EPN2: variants seen among roughly 807,000 people sequenced by gnomAD.
EPN2 encodes epsin 2, also known as epsin-2.
In EPN2, 34 loss-of-function variants were observed where a neutral mutation model predicts 61.7. The observed-to-expected ratio is 0.55, with a 90% CI of 0.42 to 0.73. The LOEUF is 0.73. Among genes scored for constraint, EPN2 ranks in the 30% least tolerant of loss-of-function variants. The probability of loss-of-function intolerance (pLI) is 0.00; values close to 1 mark genes in which losing one functional copy is unlikely to be tolerated. For synonymous variants in EPN2, 349 were observed against 353.6 expected, an observed-to-expected ratio of 0.99 and a Z score of 0.15; for missense variants, 714 against 839.2, an observed-to-expected ratio of 0.85 and a Z score of 1.84.
At chr17:19,255,526 T>G (rs2045066633) in intron 1 of EPN2, among the ~76,000 whole-genome samples, 1 of 150,624 alleles carries the variant, frequency 6.6e-6, no homozygotes, top group Non-Finnish European at 1.5e-5. Flanking sequence ...AGTCTCAACT[T>G]TGACTGTACC....
chr17:19,275,392 A>G (rs905687679), intron 1 of EPN2, among the ~76,000 whole-genome samples: 1 of 152,230 alleles, frequency 6.6e-6, no homozygotes, highest in Admixed American at 6.5e-5. Context: ...ACAGGTAGAC[A>G]TAGAGGTGCA....
At chr17:19,260,207 C>G (rs1324365349) in intron 1 of EPN2, among the ~76,000 whole-genome samples, 1 of 152,232 alleles carries the variant, frequency 6.6e-6, no homozygotes. Flanking sequence ...CTTCTTGAAT[C>G]TGCTACCTTA....
intron 7 of EPN2, among the ~76,000 whole-genome samples, chr17:19,324,150 C>G (rs1468825175): frequency 2.6e-5 from 4 of 152,186 alleles, no homozygotes; most frequent in Admixed American, 2.6e-4. Context: ...GACAGAAAAG[C>G]TAGTCTCAAC....
intron 8 of EPN2, 126 bp from the exon 9 acceptor site, chr17:19,329,435 C>T (rs2152239727): frequency 4.7e-6 from 3 of 632,764 alleles, no homozygotes; most frequent in South Asian, 2.2e-5. Flanking sequence ...GAATTCTCCT[C>T]CATGAGGTAG....
chr17:19,291,029 C>T (rs955434769), intron 4 of EPN2, among the ~76,000 whole-genome samples: 4 of 152,226 alleles, frequency 2.6e-5, no homozygotes, highest in East Asian at 1.9e-4. Context: ...ACACCCCACC[C>T]GGCAAGGGTT....
At chr17:19,300,898 T>C (rs900213489) in intron 4 of EPN2, among the ~76,000 whole-genome samples, 1 of 152,174 alleles carries the variant, frequency 6.6e-6, no homozygotes, top group Non-Finnish European at 1.5e-5. Flanking sequence ...ATGGACCCCC[T>C]GCCCTGTGGA....
chr17:19,298,189 T>A (rs1322137262), intron 4 of EPN2, among the ~76,000 whole-genome samples: 11 of 152,138 alleles, frequency 7.2e-5, no homozygotes, highest in Admixed American at 6.5e-4. Flanking sequence ...TATGTATTTT[T>A]AATTTATTTT....
chr17:19,269,788 C>T (rs2045236099), intron 1 of EPN2, among the ~76,000 whole-genome samples: 1 of 152,174 alleles, frequency 6.6e-6, no homozygotes, highest in South Asian at 2.1e-4. Flanking sequence ...GCTGTAGCAT[C>T]TTTGCTCCTG....
In EPN2 at chr17:19,312,134, A is replaced by C; in HGVS notation, c.962A>C (p.Lys321Thr). ...CGAAGGGACACAGTTAAAATTCCAA[A>C]AAAGAAAGAGGTAAGAGCTTGCTGG... is the stretch of plus-strand genomic sequence containing the variant. The part of the protein sequence containing the change: ...ESRRDTVKIP[K>T]KKEHGSLPQQ... Residue 321 changes from lysine to threonine, a missense_variant, in exon 6 of 11, where the codon AAA (lysine) becomes ACA (threonine). Physicochemically the swap from Lys to Thr is moderately conservative, Grantham distance 78. Transcript: ENST00000314728. 2 of 1,613,432 alleles carry C rather than the reference A, an allele frequency of 1.2e-6. No individual in the cohort carries two copies. The highest frequency in any genetic ancestry group is 1.7e-6 in the Non-Finnish European group (2 of 1,179,364).
chr17:19,273,998 G>C (rs1440456884), intron 1 of EPN2: 1 of 152,168 alleles, frequency 6.6e-6, no homozygotes, highest in Non-Finnish European at 1.5e-5. Context: ...TGTGGTCTCA[G>C]CTACCCCAAC....
At chr17:19,246,767 CTTTTTTTTTTT>C (rs377094702) in intron 1 of EPN2, among the ~76,000 whole-genome samples, 3 of 109,550 alleles carry the variant, frequency 2.7e-5, no homozygotes, top group East Asian at 3.4e-4. Context: ...CCCTGTGTGC[CTTTTTTTTTTT>C]TTTTTTTTGA....
At chr17:19,284,672 C>G (rs1305955400) in intron 3 of EPN2, among the ~76,000 whole-genome samples, 1 of 152,220 alleles carries the variant, frequency 6.6e-6, no homozygotes, top group Non-Finnish European at 1.5e-5. Flanking sequence ...TTTGACAGAC[C>G]TCAGTCAACC....
intron 4 of EPN2, among the ~76,000 whole-genome samples, chr17:19,292,860 C>G (rs918984886): frequency 6.6e-6 from 1 of 152,224 alleles, no homozygotes; most frequent in Non-Finnish European, 1.5e-5. Flanking sequence ...AGGAAACTGA[C>G]ATGAACTTGC....
chr17:19,308,360 C>T (rs1905953112), intron 4 of EPN2: 7 of 984,986 alleles, frequency 7.1e-6, no homozygotes, highest in South Asian at 4.7e-5. Context: ...AGGCATAAGC[C>T]GCCATGCCCG....
At chr17:19,274,759 G>A (rs750975778) in intron 1 of EPN2, among the ~76,000 whole-genome samples, 3 of 152,156 alleles carry the variant, frequency 2.0e-5, no homozygotes, top group Admixed American at 6.5e-5. Flanking sequence ...TCCCATGATG[G>A]GGAACTCTAG....
intron 7 of EPN2, among the ~76,000 whole-genome samples, chr17:19,323,647 C>T (rs980316380): frequency 1.3e-5 from 2 of 152,232 alleles, no homozygotes; most frequent in African/African-American, 4.8e-5. Context: ...GGCATAGAGT[C>T]TTCAGTGTGC....
chr17:19,246,955 A>G (rs1180365102), intron 1 of EPN2, among the ~76,000 whole-genome samples: 3 of 151,984 alleles, frequency 2.0e-5, no homozygotes, highest in Admixed American at 1.3e-4. Flanking sequence ...TATTTATGGT[A>G]GAGAGGGGGT....
At chr17:19,259,754 A>C (rs549304862) in intron 1 of EPN2, among the ~76,000 whole-genome samples, 3 of 152,320 alleles carry the variant, frequency 2.0e-5, no homozygotes, top group African/African-American at 7.2e-5. Flanking sequence ...TGCCTAGAGC[A>C]AGGTGGATGG....
At chr17:19,254,286 A>G (rs1249798847) in intron 1 of EPN2, among the ~76,000 whole-genome samples, 2 of 152,144 alleles carry the variant, frequency 1.3e-5, no homozygotes, top group Non-Finnish European at 2.9e-5. Flanking sequence ...TCACGCCTGT[A>G]ATCCCAGCAC....
Sources: allele counts gnomAD v4.1 joint callset (sites outside exome capture counted in the v4.1 genomes callset), GRCh38; gene constraint gnomAD v4.1.1; transcripts MANE v1.5; gene names NCBI Gene and HGNC (gene_info 2026-07-23, HGNC 2026-07-21).